The following PREX2 variants were observed in gnomAD, a reference collection of about 807,000 sequenced individuals.
PREX2 encodes phosphatidylinositol-3,4,5-trisphosphate dependent Rac exchange factor 2, also known as phosphatidylinositol 3,4,5-trisphosphate-dependent Rac exchanger 2 protein.
In PREX2, 107 loss-of-function variants were observed where a neutral mutation model predicts 203.2. The observed-to-expected ratio is 0.53, with a 90% CI of 0.45 to 0.62. The LOEUF is 0.62. Among genes scored for constraint, PREX2 ranks in the 20% least tolerant of loss-of-function variants. The pLI is 0.00. For synonymous variants in PREX2, 672 were observed against 663.6 expected (o/e 1.01, Z -0.19); for missense variants, 1,777 against 1,955.9 (o/e 0.91, Z 1.72).
rs115015599 is a variant in PREX2, at chr8:67,970,440, A to G, written c.141+17905A>G. On this transcript the variant is annotated intron_variant, in intron 1 of 39. Transcript: ENST00000288368. The stretch of plus-strand genomic sequence containing the variant: ...TGGTATTAATTATGCCAGCAAAAAT[A>G]ACCATACCCCTAATCTATTTTTATG... Among the ~76,000 whole-genome samples the G allele has an allele frequency of 3.6e-3, 545 of 152,310 alleles. 7 individuals carry two copies. The highest frequency in any genetic ancestry group is 0.013 in the African/African-American group (522 of 41,584).
chr8:67,979,180 C>A (rs1042388733), intron 1 of PREX2, among the ~76,000 whole-genome samples: 1 of 152,278 alleles, frequency 6.6e-6, no homozygotes, highest in Middle Eastern at 3.4e-3. Context: ...GGGGTTTAAG[C>A]TTCAGTGAAT....
At chr8:68,098,297 T>C (rs1481110808) in intron 22 of PREX2, among the ~76,000 whole-genome samples, 1 of 152,192 alleles carries the variant, frequency 6.6e-6, no homozygotes, top group East Asian at 1.9e-4. Flanking sequence ...ATATGAATAG[T>C]TGAGATAGAT....
rs759978783 is a variant in PREX2, at chr8:68,093,593, C to A, written c.2251-12C>A. The A allele has an allele frequency of 4.3e-6, 6 of 1,390,612 alleles. No individual in the cohort carries two copies. The highest frequency in any genetic ancestry group is 3.7e-5 in the South Asian group (3 of 80,280). The allele number at this position is 1,390,612 out of a possible 1,614,324, so 86.1% of individuals were successfully genotyped here. A position where few individuals can be genotyped will look rare whatever the true frequency, so the allele number is the denominator to read the frequency against. On this transcript the variant is annotated splice_polypyrimidine_tract_variant and intron_variant, in intron 20 of 39. Transcript: ENST00000288368. The stretch of plus-strand genomic sequence containing the variant: ...TAATACCTCTGAGGTTTCTTTCCCC[C>A]CTCATTTCCAGCAAGATTCCATACA...
In PREX2 at chr8:68,146,236, GA is replaced by G; in HGVS notation, c.4117del (p.Ser1373ValfsTer5). 1 of 1,610,204 alleles carries G rather than the reference GA, an allele frequency of 6.2e-7. No individual in the cohort carries two copies. Among genetic ancestry groups the G allele is most frequent in the Non-Finnish European group, 8.5e-7 (1 of 1,177,642 alleles). ...GTTCCTCTTACATATCAAGCAGAAG[GA>G]AGTCGGCAAGCTCTGAAAGTTTACT... is the stretch of plus-strand genomic sequence containing the variant. The part of the protein sequence containing the change: ...ANVPLTYQAE[G>X]SRQALKVYFY... On this transcript the variant is annotated frameshift_variant, in exon 34 of 40. Transcript: ENST00000288368. LOFTEE classifies it high-confidence loss of function.
chr8:68,181,121 T>C (rs1296523635), intron 35 of PREX2, among the ~76,000 whole-genome samples: 1 of 152,162 alleles, frequency 6.6e-6, no homozygotes, highest in East Asian at 1.9e-4. Context: ...TGCCTAGGTA[T>C]TGAGCTTAAG....
At chr8:68,109,136 C>A in intron 24 of PREX2, 3 of 453,814 alleles carry the variant, frequency 6.6e-6, no homozygotes, top group Non-Finnish European at 1.2e-5. Flanking sequence ...TATTGTATAA[C>A]ATGCTGAGTA....
chr8:68,027,852 T>TA (rs764752212), intron 5 of PREX2, among the ~76,000 whole-genome samples: 3 of 152,094 alleles, frequency 2.0e-5, no homozygotes, highest in Non-Finnish European at 4.4e-5. Context: ...TTAGAAGATG[T>TA]AAAACATCCT....
intron 35 of PREX2, among the ~76,000 whole-genome samples, chr8:68,179,450 G>A (rs1812043288): frequency 6.6e-6 from 1 of 152,120 alleles, no homozygotes; most frequent in African/African-American, 2.4e-5. Flanking sequence ...CTGAAAGAGG[G>A]AGAGCAAGTT....
At chr8:68,204,760 C>T (rs1424454478) in intron 37 of PREX2, among the ~76,000 whole-genome samples, 1 of 143,218 alleles carries the variant, frequency 7.0e-6, no homozygotes, top group Non-Finnish European at 1.5e-5. Flanking sequence ...TCTCGGCTCA[C>T]TGCAAGCTCC....
intron 31 of PREX2, among the ~76,000 whole-genome samples, chr8:68,128,215 T>C (rs1810934953): frequency 6.6e-6 from 1 of 152,214 alleles, no homozygotes; most frequent in Non-Finnish European, 1.5e-5. Context: ...ATATGTTGAA[T>C]GAGTTACTTT....
intron 19 of PREX2, 40 bp downstream of exon 19, chr8:68,087,849 G>T (rs542172977): frequency 9.1e-6 from 12 of 1,316,388 alleles, no homozygotes; most frequent in Non-Finnish European, 1.2e-5. Context: ...TTTCCAGCAG[G>T]TTTGGGATGT....
chr8:68,199,009 G>A (rs7831659), intron 37 of PREX2, among the ~76,000 whole-genome samples: 39,601 of 151,966 alleles, frequency 0.26, 6,959 homozygotes, highest in East Asian at 0.79. Context: ...TTTTATGTTC[G>A]TGCTTTGTTA....
At chr8:67,959,880 T>C (rs1424030437) in intron 1 of PREX2, among the ~76,000 whole-genome samples, 1 of 151,956 alleles carries the variant, frequency 6.6e-6, no homozygotes, top group East Asian at 1.9e-4. Flanking sequence ...ACTTACAAAC[T>C]CTCTCTTTGG....
In PREX2 at chr8:68,233,713, C is replaced by T. The variant is rs1241203699; in HGVS notation, c.*2335C>T. On this transcript the variant is annotated 3_prime_UTR_variant, in exon 40 of 40. Coordinates refer to ENST00000288368, the MANE Select transcript of PREX2 (RefSeq NM_024870.4). ...ACGTGACATGGTACTCTTTTTATCG[C>T]GCCCATTTTTAGAGTTGAGGAACCA... 1 of 152,182 alleles carries T rather than the reference C, an allele frequency of 6.6e-6. No homozygotes were observed. The highest frequency in any genetic ancestry group is 1.5e-5 in the Non-Finnish European group (1 of 68,016). The allele number at this position is 152,182 out of a possible 1,614,324, so 9.4% of individuals were successfully genotyped here.
intron 37 of PREX2, among the ~76,000 whole-genome samples, chr8:68,215,900 G>C (rs1385512467): frequency 6.6e-6 from 1 of 152,142 alleles, no homozygotes; most frequent in East Asian, 1.9e-4. Context: ...GGCATAGGCT[G>C]TTCTGCAGCT....
At chr8:67,962,407 A>T (rs1044277220) in intron 1 of PREX2, among the ~76,000 whole-genome samples, 2 of 152,034 alleles carry the variant, frequency 1.3e-5, no homozygotes, top group African/African-American at 4.8e-5. Context: ...GAGACCATCT[A>T]TGGAAAGGCA....
chr8:68,056,838 A>G (rs1808693470), intron 10 of PREX2, among the ~76,000 whole-genome samples: 1 of 152,178 alleles, frequency 6.6e-6, no homozygotes, highest in Non-Finnish European at 1.5e-5. Context: ...TTATCTATTC[A>G]CTTCCTAGTA....
intron 7 of PREX2, among the ~76,000 whole-genome samples, chr8:68,044,222 AC>A (rs1808277046): frequency 2.0e-5 from 3 of 152,092 alleles, no homozygotes; most frequent in Non-Finnish European, 4.4e-5. Context: ...GAGCAAAAGC[AC>A]ATACTCACTC....
intron 30 of PREX2, among the ~76,000 whole-genome samples, chr8:68,126,678 TTG>T (rs779044843): frequency 1.3e-5 from 2 of 152,204 alleles, no homozygotes; most frequent in Non-Finnish European, 2.9e-5. Flanking sequence ...AGCAGGAACT[TTG>T]TAAGTTTTTA....
Sources: gnomAD v4.1 joint callset for allele counts (sites outside exome capture counted in the v4.1 genomes callset) on GRCh38, gnomAD v4.1.1 for gene constraint, MANE v1.5 for transcripts, NCBI Gene and HGNC (gene_info 2026-07-23, HGNC 2026-07-21) for gene names.